Variants in CASP10 observed in about 807,000 individuals in gnomAD.
CASP10 encodes the protein caspase 10, also known as caspase-10.
Under a neutral mutation model 48.5 loss-of-function variants are expected in CASP10, and 41 were observed. The observed-to-expected ratio is 0.85, with a 90% CI of 0.66 to 1.10. CASP10 has a LOEUF of 1.10. Among genes scored for constraint, CASP10 ranks in the 50% least tolerant of loss-of-function variants. The pLI is 0.00. For missense variants in CASP10, 614 were observed against 614.5 expected, an observed-to-expected ratio of 1.00 and a Z score of 0.01; for synonymous variants, 232 against 238.4, an observed-to-expected ratio of 0.97 and a Z score of 0.25.
chr2:201,192,974 T>G lies in CASP10; in HGVS notation c.442-10T>G. 6.2e-7 allele frequency: 1 copy of G among 1,612,750 alleles called. No individual in the cohort carries two copies. Among genetic ancestry groups the G allele is most frequent in the Non-Finnish European group, 8.5e-7 (1 of 1,179,082 alleles). Reference sequence around the variant, plus strand: ...GGCAAGTAAATGTAACTCTATTGATTCTCTTGTAGACCTCCCTAAGTTTCC... The same window carrying G: ...GGCAAGTAAATGTAACTCTATTGATGCTCTTGTAGACCTCCCTAAGTTTCC... On this transcript the variant is annotated splice_polypyrimidine_tract_variant and intron_variant, in intron 3 of 9. Coordinates refer to ENST00000286186, the MANE Select transcript of CASP10 (RefSeq NM_032977.4).
At chr2:201,188,501 G>A (rs1390236085) in intron 3 of CASP10, among the ~76,000 whole-genome samples, 1 of 152,106 alleles carries the variant, frequency 6.6e-6, no homozygotes, top group East Asian at 1.9e-4. Flanking sequence ...TTTCTTTCAA[G>A]TGCCTTTTAA....
chr2:201,206,497 T>A (rs933047317), intron 7 of CASP10, among the ~76,000 whole-genome samples: 2 of 148,852 alleles, frequency 1.3e-5, no homozygotes, highest in African/African-American at 2.4e-5. Context: ...TATATACATA[T>A]GAATATATAT....
chr2:201,225,083 C>A (rs143485355), downstream of CASP10, among the ~76,000 whole-genome samples: 790 of 152,236 alleles, frequency 5.2e-3, 10 homozygotes, highest in African/African-American at 0.018. Context: ...CTCTGACAAC[C>A]ACCTCCCATC....
In CASP10 at chr2:201,209,463, G is replaced by A. The variant is rs764646945; in HGVS notation, c.1316G>A (p.Gly439Asp). The change falls in exon 9 of 10, where the codon GGT becomes GAT. Residue 439 changes from glycine to aspartate, a missense_variant. Gly to Asp is a moderately conservative substitution (Grantham distance 94, BLOSUM62 -1). Transcript: ENST00000286186. ...SIPAEADFLL[G>D]LATVPGYVSF... is the part of the protein sequence containing the mutation. ...CCTGCCGAGGCTGACTTCCTACTTG[G>A]TCTGGCCACTGTCCCAGGCTATGTA... The A allele has an allele frequency of 1.9e-6, 3 of 1,614,016 alleles. No individual in the cohort carries two copies. The highest frequency in any genetic ancestry group is 2.5e-6 in the Non-Finnish European group (3 of 1,179,898).
intron 5 of CASP10, among the ~76,000 whole-genome samples, chr2:201,203,234 C>G (rs751787911): frequency 2.0e-5 from 3 of 152,026 alleles, no homozygotes; most frequent in Middle Eastern, 6.4e-3. Flanking sequence ...GTATTTTTGC[C>G]AGTGCGTCTT....
intron 9 of CASP10, among the ~76,000 whole-genome samples, chr2:201,228,304 A>C (rs1419314632): frequency 1.3e-5 from 2 of 152,190 alleles, no homozygotes; most frequent in Non-Finnish European, 2.9e-5. Flanking sequence ...CAGTGACACT[A>C]CATTCCAACC....
At chr2:201,213,787 G>T (rs1331194971) in intron 9 of CASP10, 3 of 152,194 alleles carry the variant, frequency 2.0e-5, no homozygotes, top group African/African-American at 7.2e-5. Flanking sequence ...AGTACCATGT[G>T]GCTTACGGAG....
chr2:201,190,440 C>T (rs948795139), intron 3 of CASP10, among the ~76,000 whole-genome samples: 14 of 152,174 alleles, frequency 9.2e-5, no homozygotes, highest in African/African-American at 3.4e-4. Context: ...AATTTCAGTG[C>T]CCACATTTGC....
chr2:201,199,147 T>A (rs1224266562), intron 5 of CASP10, among the ~76,000 whole-genome samples: 1 of 152,214 alleles, frequency 6.6e-6, no homozygotes, highest in Non-Finnish European at 1.5e-5. Flanking sequence ...TCATGGCCTT[T>A]TACTCCTAAA....
intron 5 of CASP10, 84 bp from the exon 6 acceptor site, chr2:201,203,646 T>G (rs1389277237): frequency 8.4e-7 from 1 of 1,194,288 alleles, no homozygotes; most frequent in East Asian, 2.3e-5. Context: ...ATATCTGTCC[T>G]TCCCTGCATC....
chr2:201,187,811 A>G lies in CASP10; in HGVS notation c.441+12A>G. 6.3e-7 allele frequency: 1 copy of G among 1,587,326 alleles called. No individual in the cohort carries two copies. The highest frequency in any genetic ancestry group is 2.2e-5 in the East Asian group (1 of 44,772). Reference sequence around the variant, plus strand: ...CCAAAACTGAAATGGTGAGTGGGTCATACAGAATGGGTCTGTGTGAGCACT... The same window carrying G: ...CCAAAACTGAAATGGTGAGTGGGTCGTACAGAATGGGTCTGTGTGAGCACT... On this transcript the variant is annotated intron_variant, in intron 3 of 9. Transcript: ENST00000286186.
At position 201,193,186 on chromosome 2, in the gene CASP10, G is replaced by A. The variant is rs1408547769; in HGVS notation, c.577+67G>A. On this transcript the variant is annotated intron_variant, in intron 4 of 9. Transcript: ENST00000286186. ...ATTCTTAAACCAATTGGCCATGCAT[G>A]ATGTTTTGATTATTTGTTTTGTTTT... The A allele has an allele frequency of 2.0e-6, 3 of 1,493,794 alleles. No individual in the cohort carries two copies. In the African/African-American group the frequency reaches 4.1e-5, roughly 21 times the overall value. The allele number at this position is 1,493,794 out of a possible 1,614,324, so 92.5% of individuals were successfully genotyped here.
downstream of CASP10, among the ~76,000 whole-genome samples, chr2:201,225,291 CCA>C (rs370854343): frequency 7.7e-4 from 118 of 152,320 alleles, 2 homozygotes; most frequent in South Asian, 0.024. Context: ...TCTGTCAGTT[CCA>C]CTGAGGTGGT....
At chr2:201,227,955 T>C (rs1340348268) in intron 9 of CASP10, among the ~76,000 whole-genome samples, 1 of 152,222 alleles carries the variant, frequency 6.6e-6, no homozygotes, top group Non-Finnish European at 1.5e-5. Flanking sequence ...AAATTGCTGC[T>C]GGCATTCCTC....
intron 6 of CASP10, among the ~76,000 whole-genome samples, chr2:201,204,405 C>T (rs980598423): frequency 6.6e-6 from 1 of 152,104 alleles, no homozygotes; most frequent in South Asian, 2.1e-4. Flanking sequence ...GCTTTGCTAG[C>T]AATTTGTCTT....
chr2:201,196,016 ACCCC>A lies in CASP10; in HGVS notation c.684+69_684+72del. Reference sequence around the variant, plus strand: ...CACCCTCCAACCTCCCCTCCCTGCCACCCCAAAAAAGAAAAAGAGAGAGAGGCCC... The same window carrying A: ...CACCCTCCAACCTCCCCTCCCTGCCAAAAAAAGAAAAAGAGAGAGAGGCCC... On this transcript the variant is annotated intron_variant, in intron 5 of 9. Coordinates refer to ENST00000286186, the MANE Select transcript of CASP10 (RefSeq NM_032977.4). 4 of 1,054,098 alleles carry A rather than the reference ACCCC, an allele frequency of 3.8e-6. No homozygotes were observed. The Admixed American group carries it at 5.3e-5, about 14-fold the overall frequency. 65.3% of individuals were successfully genotyped at this position (1,054,098 alleles called of 1,614,324 possible).
chr2:201,228,521 A>G (rs1318070895), intron 9 of CASP10, among the ~76,000 whole-genome samples: 1 of 152,176 alleles, frequency 6.6e-6, no homozygotes, highest in African/African-American at 2.4e-5. Flanking sequence ...TAACAACTCC[A>G]GCCCTTGGGT....
chr2:201,208,155 G>C lies in CASP10; in HGVS notation c.894G>C (p.Lys298Asn), dbSNP rs775531682. 1 of 1,613,950 alleles carries C rather than the reference G, an allele frequency of 6.2e-7. No individual in the cohort carries two copies. The highest frequency in any genetic ancestry group is 8.5e-7 in the Non-Finnish European group (1 of 1,179,902). ...ACAACCACAGCTTTACCTCCCTGAA[G>C]GACAGACAAGGAACCCATAAAGATG... is the stretch of plus-strand genomic sequence containing the variant. ...IVNNHSFTSLKDRQGTHKDAE... is the reference protein window; with the variant it reads ...IVNNHSFTSLNDRQGTHKDAE... The change falls in exon 8 of 10, where the codon AAG becomes AAC. Residue 298 changes from lysine to asparagine, a missense_variant. Coordinates refer to ENST00000286186, the MANE Select transcript of CASP10 (RefSeq NM_032977.4).
At position 201,209,125 on chromosome 2, in the gene CASP10, T is replaced by C. The variant is rs774646324; in HGVS notation, c.978T>C (p.Asn326=). 6.2e-7 allele frequency: 1 copy of C among 1,611,956 alleles called. No individual in the cohort carries two copies. Among genetic ancestry groups the C allele is most frequent in the Admixed American group, 1.7e-5 (1 of 59,474 alleles). The change falls in exon 9 of 10, where the codon AAT becomes AAC. Residue 326 remains asparagine, a synonymous_variant. Transcript: ENST00000286186. The stretch of plus-strand genomic sequence containing the variant: ...GGTTCACAGTGCATATACACAATAA[T>C]GTGACGAAAGTGGAAATGGAGATGG... The part of the protein sequence containing the change: ...WLGFTVHIHN[N]VTKVEMEMVL...
Sources: allele counts gnomAD v4.1 joint callset (sites outside exome capture counted in the v4.1 genomes callset), GRCh38; gene constraint gnomAD v4.1.1; transcripts MANE v1.5; gene names NCBI Gene and HGNC (gene_info 2026-07-23, HGNC 2026-07-21).